TFIP11: variants seen among roughly 807,000 people sequenced by gnomAD.
The protein encoded by TFIP11 is tuftelin-interacting protein 11.
A neutral mutation model predicts 96.8 loss-of-function variants in TFIP11; 86 were observed. That is an observed-to-expected ratio of 0.89 (90% CI 0.75 to 1.06). The LOEUF (loss-of-function observed/expected upper bound fraction) is 1.06. Among genes scored for constraint, TFIP11 ranks in the 50% least tolerant of loss-of-function variants. The pLI is 0.00. For synonymous variants in TFIP11, 405 were observed against 395.2 expected (o/e 1.02, Z -0.29); for missense variants, 881 against 1,076.7 (o/e 0.82, Z 2.54).
At chr22:26,494,078 T>C (rs1921599619) in intron 14 of TFIP11, 61 bp downstream of exon 14, 5 of 1,588,408 alleles carry the variant, frequency 3.1e-6, no homozygotes, top group South Asian at 1.1e-5. Flanking sequence ...TTCTGTGTCA[T>C]TTACATGTGT....
Position 26,498,353 on chromosome 22 carries a change from G to C in TFIP11, c.1436+516C>G, listed in dbSNP as rs190690235. Among the ~76,000 whole-genome samples the C allele has an allele frequency of 3.3e-5, 5 of 152,234 alleles. No individual in the cohort carries two copies. The South Asian group carries it at 8.3e-4, about 25-fold the overall frequency. ...AGGTCAGGAGATTGAGATCATTCTG[G>C]CCAACATGGTGAAACCCTGTCTCTA... is the stretch of plus-strand genomic sequence containing the variant. On this transcript the variant is annotated intron_variant, in intron 10 of 14. Coordinates refer to ENST00000407690, the MANE Select transcript of TFIP11 (RefSeq NM_012143.4).
In TFIP11 at chr22:26,496,819, G is replaced by T; in HGVS notation, c.1507C>A (p.Pro503Thr). 1 of 1,614,086 alleles carries T rather than the reference G, an allele frequency of 6.2e-7. No homozygotes were observed. Among genetic ancestry groups the T allele is most frequent in the Non-Finnish European group, 8.5e-7 (1 of 1,180,024 alleles). The change falls in exon 11 of 15, where the codon CCG (proline) becomes ACG (threonine). Residue 503 changes from proline to threonine, a missense_variant. Physicochemically the swap from Pro to Thr is conservative, Grantham distance 38. Coordinates refer to ENST00000407690, the MANE Select transcript of TFIP11 (RefSeq NM_012143.4). ...CAACTATCCAAAAAGTCCACCATCGGGTCACAGTTCCTTGGCTGCCACTGG... is the reference window on the plus strand; with the variant it reads ...CAACTATCCAAAAAGTCCACCATCGTGTCACAGTTCCTTGGCTGCCACTGG... ...VTQWQPRNCD[P>T]MVDFLDSWVH...
At chr22:26,494,107 C>A in intron 14 of TFIP11, 32 bp downstream of exon 14, 1 of 1,609,010 alleles carries the variant, frequency 6.2e-7, no homozygotes, top group African/African-American at 1.3e-5. Context: ...AAACTTGGGG[C>A]CAGGACATCC....
At position 26,499,594 on chromosome 22, in the gene TFIP11, T is replaced by C; in HGVS notation, c.839A>G (p.Tyr280Cys). ...DMTGREQKVYYSYSQISHKHN... is the reference protein window; with the variant it reads ...DMTGREQKVYCSYSQISHKHN... ...CTTGTGGCTGATCTGACTGTAGCTG[T>C]AGTAGACCTTCTGCTCCCGGCCTGT... Residue 280 changes from tyrosine to cysteine, a missense_variant, in exon 9 of 15, where the codon TAC becomes TGC. Coordinates refer to ENST00000407690, the MANE Select transcript of TFIP11 (RefSeq NM_012143.4). 6.2e-7 allele frequency: 1 copy of C among 1,613,748 alleles called. No homozygotes were observed. Among genetic ancestry groups the C allele is most frequent in the Non-Finnish European group, 8.5e-7 (1 of 1,179,870 alleles).
Position 26,499,320 on chromosome 22 carries a change from C to T in TFIP11, c.1113G>A (p.Ser371=), listed in dbSNP as rs770873211. The change falls in exon 9 of 15, where the codon TCG becomes TCA. Residue 371 remains serine (S), a synonymous_variant. Coordinates refer to ENST00000407690, the MANE Select transcript of TFIP11 (RefSeq NM_012143.4). ...EVLDHEERVI[S]NLSKVLEMVE... ...CCATCTCCAGGACCTTGCTGAGGTT[C>T]GAGATGACCCGCTCCTCGTGGTCCA... 5 of 1,613,964 alleles carry T rather than the reference C, an allele frequency of 3.1e-6. No homozygotes were observed. Among genetic ancestry groups the T allele is most frequent in the African/African-American group, 2.7e-5 (2 of 74,930 alleles).
intron 6 of TFIP11, among the ~76,000 whole-genome samples, chr22:26,505,199 C>T (rs952232519): frequency 6.6e-6 from 1 of 152,106 alleles, no homozygotes; most frequent in East Asian, 1.9e-4. Context: ...GGAAATGTTC[C>T]TGTAGGAAGA....
At chr22:26,494,501 T>TA in intron 13 of TFIP11, 197 bp from the exon 14 acceptor site, 1 of 729,668 alleles carries the variant, frequency 1.4e-6, no homozygotes, top group Non-Finnish European at 2.2e-6. Flanking sequence ...TGCCCTTGCA[T>TA]GTAAACTCTC....
chr22:26,509,484 T>C (rs911259511), intron 4 of TFIP11, among the ~76,000 whole-genome samples: 16 of 152,348 alleles, frequency 1.1e-4, no homozygotes, highest in Non-Finnish European at 2.1e-4. Context: ...CATCTTCTAA[T>C]GTCTGGGCTC....
At chr22:26,507,832 A>C (rs1443072906) in intron 4 of TFIP11, among the ~76,000 whole-genome samples, 1 of 152,170 alleles carries the variant, frequency 6.6e-6, no homozygotes, top group African/African-American at 2.4e-5. Flanking sequence ...TTACAATAAA[A>C]AACCCTGGAG....
At chr22:26,503,524 G>T in intron 7 of TFIP11, 142 bp downstream of exon 7, 1 of 1,020,456 alleles carries the variant, frequency 9.8e-7, no homozygotes, top group South Asian at 1.7e-5. Flanking sequence ...TCTCATCATG[G>T]TGCACCTAGC....
At chr22:26,494,019 A>C in intron 14 of TFIP11, 120 bp downstream of exon 14, 1 of 1,170,030 alleles carries the variant, frequency 8.5e-7, no homozygotes, top group Non-Finnish European at 1.2e-6. Context: ...GCTATGTGCA[A>C]AAGTGTGACC....
At chr22:26,503,937 C>G (rs1431886111) in intron 6 of TFIP11, 144 bp from the exon 7 acceptor site, 2 of 1,046,630 alleles carry the variant, frequency 1.9e-6, no homozygotes, top group African/African-American at 3.2e-5. Context: ...TCTCTGCCCT[C>G]AGAACACTAC....
chr22:26,507,720 C>T (rs1298628141), intron 4 of TFIP11, among the ~76,000 whole-genome samples: 1 of 151,574 alleles, frequency 6.6e-6, no homozygotes, highest in Admixed American at 6.6e-5. Flanking sequence ...TTGATTTAAA[C>T]TCTGACTGCT....
chr22:26,496,630 G>A, intron 11 of TFIP11, 91 bp downstream of exon 11: 1 of 1,449,814 alleles, frequency 6.9e-7, no homozygotes, highest in Non-Finnish European at 9.5e-7. Context: ...TTAATTCCAG[G>A]CGTTTTAACA....
chr22:26,499,575 G>A lies in TFIP11; in HGVS notation c.858C>T (p.Ser286=). 6.2e-7 allele frequency: 1 copy of A among 1,614,106 alleles called. No individual in the cohort carries two copies. The highest frequency in any genetic ancestry group is 8.5e-7 in the Non-Finnish European group (1 of 1,180,040). The change falls in exon 9 of 15, where the codon AGC becomes AGT. Residue 286 remains serine, a synonymous_variant. Transcript: ENST00000407690. ...QKVYYSYSQI[S]HKHNVPDDGL... The stretch of plus-strand genomic sequence containing the variant: ...CATCATCGGGAACGTTGTGCTTGTG[G>A]CTGATCTGACTGTAGCTGTAGTAGA...
At chr22:26,499,023 C>T (rs764293914) in intron 9 of TFIP11, 48 bp from the exon 10 acceptor site, 4 of 1,611,106 alleles carry the variant, frequency 2.5e-6, no homozygotes, top group Non-Finnish European at 2.5e-6. Flanking sequence ...CTCCAGCCCT[C>T]CCTGCCCATT....
At chr22:26,512,232 T>C (rs979414272) in intron 1 of TFIP11, 57 bp from the exon 2 acceptor site, 1 of 152,268 alleles carries the variant, frequency 6.6e-6, no homozygotes, top group Non-Finnish European at 1.5e-5. Context: ...TAAATCCCAG[T>C]TGACCCCAAG....
intron 4 of TFIP11, among the ~76,000 whole-genome samples, chr22:26,507,850 C>T (rs1040066396): frequency 2.0e-5 from 3 of 152,160 alleles, no homozygotes; most frequent in African/African-American, 7.2e-5. Flanking sequence ...GAGCCAGGTA[C>T]AGCGGCTCAT....
intron 10 of TFIP11, among the ~76,000 whole-genome samples, chr22:26,497,112 G>A (rs978734425): frequency 6.6e-6 from 1 of 152,122 alleles, no homozygotes; most frequent in African/African-American, 2.4e-5. Flanking sequence ...CCTAGGTAGT[G>A]CCCATCCACC....
Sources: gnomAD v4.1 joint callset for allele counts (sites outside exome capture counted in the v4.1 genomes callset) on GRCh38, gnomAD v4.1.1 for gene constraint, MANE v1.5 for transcripts, NCBI Gene and HGNC (gene_info 2026-07-23, HGNC 2026-07-21) for gene names.